The following FAF1 variants were observed in gnomAD, a reference collection of about 807,000 sequenced individuals.
FAF1 encodes FAS-associated factor 1.
FAF1 carries 25 observed loss-of-function variants against 92.5 expected under a neutral mutation model. The observed-to-expected ratio is 0.27, with a 90% CI of 0.20 to 0.38. The LOEUF (loss-of-function observed/expected upper bound fraction) is 0.38. Ranked by LOEUF, FAF1 falls within the 10% of genes least tolerant of loss-of-function variation. The pLI, the probability that FAF1 is intolerant of heterozygous loss-of-function variation, is 1.00. For synonymous variants in FAF1, 234 were observed against 273.2 expected (o/e 0.86, Z 1.42); for missense variants, 636 against 793.3 (o/e 0.80, Z 2.38).
At chr1:50,735,895 T>C (rs1659118493) in intron 6 of FAF1, among the ~76,000 whole-genome samples, 1 of 152,106 alleles carries the variant, frequency 6.6e-6, no homozygotes, top group African/African-American at 2.4e-5. Flanking sequence ...TCATAAAAAT[T>C]GTTTGTAGAG....
chr1:50,816,925 T>C (rs992162024), intron 2 of FAF1, among the ~76,000 whole-genome samples: 6 of 152,204 alleles, frequency 3.9e-5, no homozygotes, highest in Admixed American at 2.6e-4. Context: ...CCTAGCACCA[T>C]TTATTGACTA....
intron 6 of FAF1, among the ~76,000 whole-genome samples, chr1:50,718,187 C>T (rs564752590): frequency 5.3e-5 from 8 of 152,076 alleles, no homozygotes; most frequent in African/African-American, 1.4e-4. Context: ...GGGATTACCA[C>T]GCTCAGCTAA....
At position 50,771,868 on chromosome 1, in the gene FAF1, G is replaced by A. The variant is rs184360559; in HGVS notation, c.367+16132C>T. ...GTGAGCCAAGATCGTGCCATTGCAC[G>A]CTAGCCTGGGTGATAAGAGTGAAAC... On this transcript the variant is annotated intron_variant, in intron 4 of 18. Transcript: ENST00000396153. Among the ~76,000 whole-genome samples the A allele has an allele frequency of 9.9e-4, 150 of 152,242 alleles. 2 individuals carry two copies. The highest frequency in any genetic ancestry group is 3.6e-3 in the African/African-American group (148 of 41,542).
chr1:50,518,620 T>G (rs1052739874), intron 15 of FAF1, among the ~76,000 whole-genome samples: 1 of 152,030 alleles, frequency 6.6e-6, no homozygotes, highest in Admixed American at 6.5e-5. Context: ...TTTTGTATTT[T>G]TAGTAGAGAC....
At chr1:50,697,750 A>G (rs1050915307) in intron 7 of FAF1, among the ~76,000 whole-genome samples, 1 of 152,224 alleles carries the variant, frequency 6.6e-6, no homozygotes, top group Non-Finnish European at 1.5e-5. Flanking sequence ...TCATTTATAT[A>G]AAATGTTTAC....
intron 15 of FAF1, among the ~76,000 whole-genome samples, chr1:50,502,456 A>C (rs1338415480): frequency 2.0e-5 from 3 of 152,210 alleles, no homozygotes; most frequent in Non-Finnish European, 4.4e-5. Context: ...TGTATCAAAG[A>C]CTGACAGTCT....
chr1:50,695,708 C>T (rs1569785074), intron 7 of FAF1, among the ~76,000 whole-genome samples: 2 of 152,074 alleles, frequency 1.3e-5, no homozygotes, highest in South Asian at 2.1e-4. Flanking sequence ...AGTGCAGTGG[C>T]GCGATCTCGG....
At chr1:50,750,344 G>T (rs564445251) in intron 4 of FAF1, among the ~76,000 whole-genome samples, 1 of 152,290 alleles carries the variant, frequency 6.6e-6, no homozygotes, top group South Asian at 2.1e-4. Flanking sequence ...ATACAGAGAA[G>T]ATTAGCATGA....
intron 1 of FAF1, among the ~76,000 whole-genome samples, chr1:50,874,418 G>A (rs956136955): frequency 1.3e-5 from 2 of 152,064 alleles, no homozygotes; most frequent in African/African-American, 4.8e-5. Flanking sequence ...CTAGAGTATA[G>A]TAGTGTGATC....
chr1:50,445,291 G>T lies in FAF1; in HGVS notation c.1870-3768C>A, dbSNP rs1010828327. Among the ~76,000 whole-genome samples the T allele has an allele frequency of 4.6e-5, 7 of 152,072 alleles. 1 individual carries two copies. Among genetic ancestry groups the T allele is most frequent in the African/African-American group, 1.7e-4 (7 of 41,404 alleles). ...TATATCATTTTTATGCCTTTGCATT[G>T]AGGTAAGGACAATTATTATCCCCAT... On this transcript the variant is annotated intron_variant, in intron 18 of 18. Coordinates refer to ENST00000396153, the MANE Select transcript of FAF1 (RefSeq NM_007051.3).
intron 3 of FAF1, among the ~76,000 whole-genome samples, chr1:50,795,871 C>T (rs907529096): frequency 6.6e-6 from 1 of 152,038 alleles, no homozygotes; most frequent in African/African-American, 2.4e-5. Flanking sequence ...AGTGACTGGT[C>T]CTGATTACCA....
intron 1 of FAF1, among the ~76,000 whole-genome samples, chr1:50,936,730 C>A (rs1243739335): frequency 1.3e-5 from 2 of 152,060 alleles, no homozygotes; most frequent in East Asian, 3.9e-4. Context: ...TATTTGGAAA[C>A]CACATGGGAT....
intron 4 of FAF1, among the ~76,000 whole-genome samples, chr1:50,786,862 A>G (rs984214565): frequency 6.6e-6 from 1 of 152,228 alleles, no homozygotes; most frequent in African/African-American, 2.4e-5. Context: ...CCTAAAATCA[A>G]TGGAAAGCTT....
In FAF1 at chr1:50,567,220, A is replaced by G; in HGVS notation, c.1125T>C (p.Leu375=). The G allele has an allele frequency of 1.3e-6, 2 of 1,597,894 alleles. No homozygotes were observed. Among genetic ancestry groups the G allele is most frequent in the South Asian group, 2.3e-5 (2 of 88,702 alleles). ...FYVKARDRKL[L]AIYLHHDESV... is the part of the protein sequence containing the mutation. ...TTTCATCATGGTGGAGGTAGATAGCAAGAAGCTTTCTCTGAAAAGAGGAGA... is the reference window on the plus strand; with the variant it reads ...TTTCATCATGGTGGAGGTAGATAGCGAGAAGCTTTCTCTGAAAAGAGGAGA... Residue 375 remains leucine (L), a synonymous_variant, in exon 13 of 19, where the codon CTT becomes CTC. Coordinates refer to ENST00000396153, the MANE Select transcript of FAF1 (RefSeq NM_007051.3).
intron 7 of FAF1, among the ~76,000 whole-genome samples, chr1:50,677,358 T>A (rs1045052943): frequency 6.6e-6 from 1 of 152,176 alleles, no homozygotes; most frequent in Non-Finnish European, 1.5e-5. Flanking sequence ...ATAAAATTCA[T>A]GTACCCTTCA....
chr1:50,686,600 AGGAGGGGAG>A (rs1002601429), intron 7 of FAF1, among the ~76,000 whole-genome samples: 4 of 43,624 alleles, frequency 9.2e-5, no homozygotes, highest in African/African-American at 2.8e-4. Context: ...GGAAAGGGAG[AGGAGGGGAG>A]GGAGGGGAGG....
chr1:50,634,947 C>T (rs1653943873), intron 8 of FAF1, among the ~76,000 whole-genome samples: 1 of 152,266 alleles, frequency 6.6e-6, no homozygotes, highest in Admixed American at 6.5e-5. Context: ...CTATATTCTA[C>T]TGTATATAAT....
chr1:50,932,784 A>G (rs1263335576), intron 1 of FAF1, among the ~76,000 whole-genome samples: 1 of 152,236 alleles, frequency 6.6e-6, no homozygotes, highest in Non-Finnish European at 1.5e-5. Flanking sequence ...GTTCTCCACG[A>G]GAGCCCCACC....
At chr1:50,801,318 T>C (rs1419498663) in intron 3 of FAF1, among the ~76,000 whole-genome samples, 2 of 152,242 alleles carry the variant, frequency 1.3e-5, no homozygotes, top group African/African-American at 4.8e-5. Context: ...AGTAAACCAA[T>C]AGCCAGTGCT....
Sources: gnomAD v4.1 joint callset for allele counts (sites outside exome capture counted in the v4.1 genomes callset) on GRCh38, gnomAD v4.1.1 for gene constraint, MANE v1.5 for transcripts, NCBI Gene and HGNC (gene_info 2026-07-23, HGNC 2026-07-21) for gene names.